The following ARHGAP25 variants were observed in gnomAD, a reference collection of about 807,000 sequenced individuals.
ARHGAP25 encodes rho GTPase-activating protein 25.
In ARHGAP25, 34 loss-of-function variants were observed where a neutral mutation model predicts 71.0. That is an observed-to-expected ratio of 0.48 (90% CI 0.36 to 0.64). The LOEUF (loss-of-function observed/expected upper bound fraction) is 0.64, where lower values mean the gene tolerates loss of function less well. Ranked by LOEUF, ARHGAP25 falls within the 30% of genes least tolerant of loss-of-function variation. The pLI, the probability that ARHGAP25 is intolerant of heterozygous loss-of-function variation, is 0.00. For missense variants in ARHGAP25, 706 were observed against 805.1 expected, an observed-to-expected ratio of 0.88 and a Z score of 1.49; for synonymous variants, 282 against 296.5, an observed-to-expected ratio of 0.95 and a Z score of 0.50.
chr2:68,819,424 T>G lies in ARHGAP25; in HGVS notation c.1200+105T>G, dbSNP rs2271833. ...TGGCAATTTGGGGAGTTTTAGGTGATGCAGTGGCAGTGGGCGCTGCTGCTA... is the reference window on the plus strand; with the variant it reads ...TGGCAATTTGGGGAGTTTTAGGTGAGGCAGTGGCAGTGGGCGCTGCTGCTA... On this transcript the variant is annotated intron_variant, in intron 9 of 10. Coordinates refer to ENST00000409202, the MANE Select transcript of ARHGAP25 (RefSeq NM_001007231.3). 4.4e-4 allele frequency: 526 copies of G among 1,193,524 alleles called. 10 individuals are homozygous for G. The East Asian group carries it at 0.012, about 28-fold the overall frequency. 73.9% of individuals were successfully genotyped at this position (1,193,524 alleles called of 1,614,324 possible).
intron 4 of ARHGAP25, among the ~76,000 whole-genome samples, chr2:68,791,230 C>G (rs1369285589): frequency 1.3e-5 from 2 of 152,208 alleles, no homozygotes; most frequent in Non-Finnish European, 2.9e-5. Flanking sequence ...TTGTTTTGTT[C>G]CTAGCTAGAC....
chr2:68,784,488 G>A (rs1314264378), intron 3 of ARHGAP25, among the ~76,000 whole-genome samples: 2 of 151,810 alleles, frequency 1.3e-5, no homozygotes, highest in South Asian at 2.1e-4. Context: ...TTTAATTGTA[G>A]GCATGCTAGT....
intron 3 of ARHGAP25, among the ~76,000 whole-genome samples, chr2:68,786,181 G>A (rs1434437726): frequency 1.3e-5 from 2 of 152,168 alleles, no homozygotes; most frequent in African/African-American, 2.4e-5. Flanking sequence ...TGAGAGCTGC[G>A]TGTTTCCCAG....
At chr2:68,725,384 A>G (rs4854499) in intron 2 of ARHGAP25, among the ~76,000 whole-genome samples, 50,031 of 152,004 alleles carry the variant, frequency 0.33, 10,732 homozygotes, top group African/African-American at 0.61. Flanking sequence ...GAGTACAGTG[A>G]TGTGATTGTG....
intron 2 of ARHGAP25, among the ~76,000 whole-genome samples, chr2:68,711,706 C>A (rs1298871771): frequency 1.1e-5 from 1 of 93,380 alleles, no homozygotes; most frequent in Non-Finnish European, 2.0e-5. Flanking sequence ...GTGTGATGTT[C>A]CCCTCCCTGT....
intron 4 of ARHGAP25, among the ~76,000 whole-genome samples, chr2:68,796,416 T>C (rs1679542571): frequency 6.6e-6 from 1 of 152,228 alleles, no homozygotes; most frequent in African/African-American, 2.4e-5. Context: ...TTTTCGTGCT[T>C]CCTGTATTGT....
In ARHGAP25 at chr2:68,788,000, C is replaced by A. The variant is rs772771864; in HGVS notation, c.466+44C>A. On this transcript the variant is annotated intron_variant, in intron 4 of 10. Transcript: ENST00000409202. ...TTTCCTGGGCAGGTGCCTATGACAT[C>A]TCAGAAAGTAGGAAGTAGCTCCAAT... 6 of 1,487,646 alleles carry A rather than the reference C, an allele frequency of 4.0e-6. No individual in the cohort carries two copies. The Admixed American group carries it at 1.0e-4, about 25-fold the overall frequency. 92.2% of individuals were successfully genotyped at this position (1,487,646 alleles called of 1,614,324 possible).
At chr2:68,743,284 T>A (rs1169839291) in intron 1 of ARHGAP25, among the ~76,000 whole-genome samples, 1 of 152,186 alleles carries the variant, frequency 6.6e-6, no homozygotes, top group East Asian at 1.9e-4. Context: ...AAGTTGTTAG[T>A]GTGGGCTTCA....
chr2:68,782,360 T>A, intron 3 of ARHGAP25, 40 bp downstream of exon 3: 1 of 1,577,950 alleles, frequency 6.3e-7, no homozygotes, highest in Non-Finnish European at 8.7e-7. Context: ...AGTGCAGAAG[T>A]AAAATTCCCA....
At chr2:68,768,766 A>G (rs1465690373) in intron 1 of ARHGAP25, among the ~76,000 whole-genome samples, 1 of 151,932 alleles carries the variant, frequency 6.6e-6, no homozygotes, top group Non-Finnish European at 1.5e-5. Context: ...CAAAAGCAAA[A>G]CTCTCGGGAA....
Position 68,735,197 on chromosome 2 carries a change from A to C in ARHGAP25, c.-3A>C, listed in dbSNP as rs1488174874. ...CTAACTACTCACTTAAACTGGAAGC[A>C]AAATGTCCCTAAAATTGCCAAGGAA... On this transcript the variant is annotated 5_prime_UTR_variant, in exon 1 of 11. Coordinates refer to ENST00000409202, the MANE Select transcript of ARHGAP25 (RefSeq NM_001007231.3). 1.2e-6 allele frequency: 2 copies of C among 1,614,020 alleles called. No individual in the cohort carries two copies. The highest frequency in any genetic ancestry group is 2.2e-5 in the South Asian group (2 of 91,090).
At chr2:68,716,753 T>C (rs1674616180) in intron 2 of ARHGAP25, among the ~76,000 whole-genome samples, 2 of 152,234 alleles carry the variant, frequency 1.3e-5, no homozygotes, top group Admixed American at 1.3e-4. Context: ...CTTAGGGTCA[T>C]CTCAGATAGG....
At chr2:68,782,341 C>T (rs763658596) in intron 3 of ARHGAP25, 21 bp downstream of exon 3, 8 of 1,605,362 alleles carry the variant, frequency 5.0e-6, no homozygotes, top group East Asian at 2.2e-5. Flanking sequence ...ACAGGTAGGA[C>T]AGAGGTGCAG....
At chr2:68,778,724 G>A (rs4854453) in intron 2 of ARHGAP25, among the ~76,000 whole-genome samples, 2 of 151,980 alleles carry the variant, frequency 1.3e-5, no homozygotes, top group South Asian at 2.1e-4. Context: ...CTGGGTCTAC[G>A]AAGTTCCAAA....
At chr2:68,781,517 T>C (rs1678338902) in intron 2 of ARHGAP25, among the ~76,000 whole-genome samples, 2 of 152,188 alleles carry the variant, frequency 1.3e-5, no homozygotes, top group Admixed American at 1.3e-4. Context: ...CAAATCCTAC[T>C]AAACCCTCAG....
chr2:68,758,743 C>A (rs528877906), intron 1 of ARHGAP25, among the ~76,000 whole-genome samples: 17 of 151,870 alleles, frequency 1.1e-4, no homozygotes, highest in African/African-American at 3.9e-4. Context: ...TTGAACAACA[C>A]AATAAACCAA....
chr2:68,716,386 A>G (rs1199177773), intron 2 of ARHGAP25, among the ~76,000 whole-genome samples: 1 of 152,214 alleles, frequency 6.6e-6, no homozygotes, highest in African/African-American at 2.4e-5. Flanking sequence ...CTCTTGGAAC[A>G]TACGCTAATG....
intron 1 of ARHGAP25, 100 bp from the exon 2 acceptor site, chr2:68,775,121 G>A (rs1165928229): frequency 1.1e-5 from 17 of 1,600,030 alleles, no homozygotes; most frequent in East Asian, 6.7e-5. Flanking sequence ...TCGTCCCCCC[G>A]CTTCTCAGCC....
At chr2:68,825,503 T>C (rs1398941291) in intron 10 of ARHGAP25, among the ~76,000 whole-genome samples, 1 of 152,032 alleles carries the variant, frequency 6.6e-6, no homozygotes, top group Non-Finnish European at 1.5e-5. Context: ...TGGTGGTTCA[T>C]GCCTGTAATC....
Sources: gnomAD v4.1 joint callset for allele counts (sites outside exome capture counted in the v4.1 genomes callset) on GRCh38, gnomAD v4.1.1 for gene constraint, MANE v1.5 for transcripts, NCBI Gene and HGNC (gene_info 2026-07-23, HGNC 2026-07-21) for gene names.